FBXO33: variants seen among roughly 807,000 people sequenced by gnomAD.
FBXO33 encodes the protein F-box only protein 33.
Under a neutral mutation model 46.3 loss-of-function variants are expected in FBXO33, and 22 were observed. The ratio of observed to expected loss-of-function variants is 0.48; its 90% CI spans 0.34 to 0.68. FBXO33 has a LOEUF of 0.68. Ranked by LOEUF, FBXO33 falls within the 30% of genes least tolerant of loss-of-function variation. FBXO33 has a pLI of 0.01. For missense variants in FBXO33, 692 were observed against 708.8 expected (o/e 0.98, Z 0.27); for synonymous variants, 337 against 291.3 (o/e 1.16, Z -1.60).
chr14:39,414,307 TGAA>T (rs1349341756), intron 1 of FBXO33, among the ~76,000 whole-genome samples: 1 of 152,248 alleles, frequency 6.6e-6, no homozygotes, highest in African/African-American at 2.4e-5. Flanking sequence ...TTCACAGACT[TGAA>T]GAGCATTAGA....
chr14:39,399,433 G>A lies in FBXO33; in HGVS notation c.*83C>T. 8.3e-7 allele frequency: 1 copy of A among 1,201,478 alleles called. No individual in the cohort carries two copies. Among genetic ancestry groups the A allele is most frequent in the South Asian group, 1.6e-5 (1 of 63,586 alleles). 74.4% of individuals were successfully genotyped at this position (1,201,478 alleles called of 1,614,324 possible). On this transcript the variant is annotated 3_prime_UTR_variant, in exon 4 of 4. Coordinates refer to ENST00000298097, the MANE Select transcript of FBXO33 (RefSeq NM_203301.4). ...AATACTGATTAAACACAGCACAAAAGGATTAATTCACACTACTGAAAAAAA... is the reference window on the plus strand; with the variant it reads ...AATACTGATTAAACACAGCACAAAAAGATTAATTCACACTACTGAAAAAAA...
intron 1 of FBXO33, among the ~76,000 whole-genome samples, chr14:39,416,129 C>G (rs190802550): frequency 2.0e-5 from 3 of 152,150 alleles, no homozygotes; most frequent in African/African-American, 7.2e-5. Flanking sequence ...TTGAAGAACT[C>G]CCATTAGCAT....
At chr14:39,431,105 TTTAGGCAGCGTC>T (rs552914173) in intron 1 of FBXO33, among the ~76,000 whole-genome samples, 289 of 152,334 alleles carry the variant, frequency 1.9e-3, no homozygotes, top group African/African-American at 6.5e-3. Flanking sequence ...CAAAATTTCT[TTTAGGCAGCGTC>T]CTATGAGTAC....
chr14:39,399,962 T>C (rs1338573641), intron 3 of FBXO33, among the ~76,000 whole-genome samples, 175 bp from the exon 4 acceptor site: 1 of 152,164 alleles, frequency 6.6e-6, no homozygotes, highest in East Asian at 1.9e-4. Context: ...AACATGGTTG[T>C]ATAGCCCAGA....
chr14:39,431,605 C>G lies in FBXO33; in HGVS notation c.558G>C (p.Leu186Phe), dbSNP rs1319300416. 1 of 1,613,466 alleles carries G rather than the reference C, an allele frequency of 6.2e-7. No homozygotes were observed. The highest frequency in any genetic ancestry group is 8.5e-7 in the Non-Finnish European group (1 of 1,180,016). ...TGACCAGCACGCAAAGCACCAGCTCCAAGTAGGTGCGCAGCACTTCCAGCC... is the reference window on the plus strand; with the variant it reads ...TGACCAGCACGCAAAGCACCAGCTCGAAGTAGGTGCGCAGCACTTCCAGCC... Reference protein sequence around the residue: ...ARWLEVLRTYLELVLCVLVSI... With the variant: ...ARWLEVLRTYFELVLCVLVSI... Residue 186 changes from leucine to phenylalanine, a missense_variant, in exon 1 of 4, where the codon TTG becomes TTC. Physicochemically the swap from Leu to Phe is conservative, Grantham distance 22. This residue lies in a region of FBXO33 where 412 missense variants were observed against 370.8 expected (regional missense o/e 1.11). Transcript: ENST00000298097.
intron 1 of FBXO33, among the ~76,000 whole-genome samples, chr14:39,431,336 G>A (rs1275730636): frequency 6.6e-6 from 1 of 152,166 alleles, no homozygotes; most frequent in Non-Finnish European, 1.5e-5. Flanking sequence ...GGCGCCAGAA[G>A]TGGTGTCTGT....
intron 3 of FBXO33, among the ~76,000 whole-genome samples, chr14:39,400,712 C>A (rs940913020): frequency 6.6e-6 from 1 of 152,076 alleles, no homozygotes; most frequent in Non-Finnish European, 1.5e-5. Flanking sequence ...GAACAGGTCA[C>A]ATTAAAATGA....
chr14:39,402,292 T>A, intron 2 of FBXO33, 109 bp downstream of exon 2: 1 of 510,112 alleles, frequency 2.0e-6, no homozygotes, highest in Non-Finnish European at 3.3e-6. Flanking sequence ...CCAGGACCTA[T>A]GTTCCTTTTA....
At chr14:39,416,241 T>A (rs2075448092) in intron 1 of FBXO33, among the ~76,000 whole-genome samples, 1 of 149,612 alleles carries the variant, frequency 6.7e-6, no homozygotes, top group Non-Finnish European at 1.5e-5. Context: ...CTGGGTACAC[T>A]ATTCTTGGTT....
At chr14:39,426,948 G>A (rs554295138) in intron 1 of FBXO33, among the ~76,000 whole-genome samples, 4 of 152,030 alleles carry the variant, frequency 2.6e-5, no homozygotes, top group Admixed American at 6.5e-5. Flanking sequence ...GAATGACTCC[G>A]TGAGAACGGG....
At position 39,398,878 on chromosome 14, in the gene FBXO33, A is replaced by G. The variant is rs1049792237; in HGVS notation, c.*638T>C. 29 of 152,238 alleles carry G rather than the reference A, an allele frequency of 1.9e-4. No homozygotes were observed. The highest frequency in any genetic ancestry group is 4.4e-5 in the Non-Finnish European group (3 of 68,036). 9.4% of individuals were successfully genotyped at this position (152,238 alleles called of 1,614,324 possible). A position where few individuals can be genotyped will look rare whatever the true frequency, so the allele number is the denominator to read the frequency against. On this transcript the variant is annotated 3_prime_UTR_variant, in exon 4 of 4. Coordinates refer to ENST00000298097, the MANE Select transcript of FBXO33 (RefSeq NM_203301.4). ...GTCAGATATAGTTAAAAAATCCAAC[A>G]ATTTCAGTATTCGTGTTTACGTAAA...
At chr14:39,412,145 TGA>T (rs1371366349) in intron 1 of FBXO33, among the ~76,000 whole-genome samples, 2 of 152,234 alleles carry the variant, frequency 1.3e-5, no homozygotes, top group African/African-American at 4.8e-5. Flanking sequence ...TATCCATTGT[TGA>T]GAGTTGTGTC....
intron 1 of FBXO33, among the ~76,000 whole-genome samples, chr14:39,412,855 T>A (rs1192271597): frequency 6.6e-6 from 1 of 152,238 alleles, no homozygotes; most frequent in Non-Finnish European, 1.5e-5. Flanking sequence ...AAAAAAGCAA[T>A]ACATATACCT....
In FBXO33 at chr14:39,401,266, C is replaced by G. The variant is rs760012367; in HGVS notation, c.1306G>C (p.Gly436Arg). The G allele has an allele frequency of 6.2e-7, 1 of 1,613,978 alleles. No individual in the cohort carries two copies. The highest frequency in any genetic ancestry group is 8.5e-7 in the Non-Finnish European group (1 of 1,179,988). ...ILMNDVIDTS[G>R]FPDLSDNRNE... ...CGGTTGTCACTAAGATCTGGAAAAC[C>G]AGATGTGTCAATCACATCATTCATT... The change falls in exon 3 of 4, where the codon GGT (glycine) becomes CGT (arginine). Residue 436 changes from glycine to arginine, a missense_variant. Coordinates refer to ENST00000298097, the MANE Select transcript of FBXO33 (RefSeq NM_203301.4).
Position 39,401,856 on chromosome 14 carries a change from TG to T in FBXO33, c.715del (p.Gln239SerfsTer8). The T allele has an allele frequency of 6.2e-7, 1 of 1,608,264 alleles. No homozygotes were observed. The highest frequency in any genetic ancestry group is 8.5e-7 in the Non-Finnish European group (1 of 1,176,750). ...DPDGKKIKQI[Q>X]QLFEEILSNS... ...ACTCAGGATTTCTTCAAACAGTTGCTGAATTCTATAAGGAAAACACATGCCA... is the reference window on the plus strand; with the variant it reads ...ACTCAGGATTTCTTCAAACAGTTGCTAATTCTATAAGGAAAACACATGCCA... On this transcript the variant is annotated frameshift_variant, in exon 3 of 4. Transcript: ENST00000298097. LOFTEE classifies it high-confidence loss of function.
chr14:39,415,035 C>A (rs749316988), intron 1 of FBXO33, among the ~76,000 whole-genome samples: 1 of 152,170 alleles, frequency 6.6e-6, no homozygotes, highest in Non-Finnish European at 1.5e-5. Flanking sequence ...AGAACACACA[C>A]ACAATTTATA....
intron 3 of FBXO33, 151 bp downstream of exon 3, chr14:39,401,025 A>C (rs541994705): frequency 3.0e-6 from 2 of 668,182 alleles, no homozygotes; most frequent in East Asian, 6.0e-5. Context: ...TGTAAGTGAT[A>C]TATCTTGCAA....
intron 1 of FBXO33, among the ~76,000 whole-genome samples, chr14:39,408,135 G>A (rs1304317214): frequency 6.6e-6 from 1 of 152,052 alleles, no homozygotes; most frequent in Non-Finnish European, 1.5e-5. Context: ...AGTAGAGACA[G>A]GGTTTCAGCA....
At position 39,401,578 on chromosome 14, in the gene FBXO33, C is replaced by G; in HGVS notation, c.994G>C (p.Val332Leu). 1 of 1,614,210 alleles carries G rather than the reference C, an allele frequency of 6.2e-7. No individual in the cohort carries two copies. Among genetic ancestry groups the G allele is most frequent in the Non-Finnish European group, 8.5e-7 (1 of 1,180,040 alleles). The change falls in exon 3 of 4, where the codon GTG becomes CTG. Residue 332 changes from valine (V) to leucine (L), a missense_variant. Physicochemically the swap from Val to Leu is conservative, Grantham distance 32. Around this residue, in one of 3 missense-constraint regions of FBXO33, gnomAD observed 186 missense variants for 246.1 expected, o/e 0.76. Transcript: ENST00000298097. ...AGAAGAGACAGTCGTTGCAAAGGCA[C>G]ATGGTTGCTATCAGTTAAGACTCTT... is the stretch of plus-strand genomic sequence containing the variant. ...MARVLTDSNHVPLQRLSLLVH... is the reference protein window; with the variant it reads ...MARVLTDSNHLPLQRLSLLVH...
Sources: gnomAD v4.1 joint callset for allele counts (sites outside exome capture counted in the v4.1 genomes callset) on GRCh38, gnomAD v4.1.1 for gene constraint, gnomAD v4.1.1 regional missense constraint, MANE v1.5 for transcripts, NCBI Gene and HGNC (gene_info 2026-07-23, HGNC 2026-07-21) for gene names.